ACCSL: variants seen among roughly 807,000 people sequenced by gnomAD.
ACCSL encodes 1-aminocyclopropane-1-carboxylate synthase homolog (inactive) like.
ACCSL carries 55 observed loss-of-function variants against 61.7 expected under a neutral mutation model. The ratio of observed to expected loss-of-function variants is 0.89; its 90% confidence interval spans 0.72 to 1.12. The LOEUF is 1.12. Among genes scored for constraint, ACCSL ranks in the 50% most tolerant of loss-of-function variants. The probability of loss-of-function intolerance (pLI) is 0.00; values close to 1 mark genes in which losing one functional copy is unlikely to be tolerated. For missense variants in ACCSL, 632 were observed against 698.0 expected (o/e 0.91, Z 1.07); for synonymous variants, 258 against 264.3 (o/e 0.98, Z 0.23).
the ACCSL span, among the ~76,000 whole-genome samples, chr11:43,930,161 C>G: frequency 3.9e-5 from 6 of 152,186 alleles, 1 homozygote; most frequent in Non-Finnish European, 5.9e-5. Context: ...TTCTTCCCCT[C>G]TAGCCTGGGG....
At chr11:43,942,726 G>T in the ACCSL span, 4 of 19,510 alleles carry the variant, frequency 2.1e-4, no homozygotes, top group East Asian at 1.2e-3. Context: ...CCGCCCGCCC[G>T]CCCGCCCTCC....
the ACCSL span, among the ~76,000 whole-genome samples, chr11:43,953,520 C>CAAAAAA: frequency 1.3e-5 from 1 of 75,488 alleles, no homozygotes; most frequent in Admixed American, 1.4e-4. Context: ...GACTCTGACT[C>CAAAAAA]AAAAAAAAAA....
At chr11:44,039,207 G>T in the ACCSL span, among the ~76,000 whole-genome samples, 1 of 152,150 alleles carries the variant, frequency 6.6e-6, no homozygotes, top group African/African-American at 2.4e-5. Flanking sequence ...TAAGGTGCCT[G>T]CCCACAGCTA....
At chr11:43,973,715 A>C in the ACCSL span, 1 of 152,188 alleles carries the variant, frequency 6.6e-6, no homozygotes, top group Non-Finnish European at 1.5e-5. Flanking sequence ...TATTGGGCGA[A>C]CCATTCTTAA....
upstream of ACCSL, among the ~76,000 whole-genome samples, chr11:44,046,704 A>G (rs942457444): frequency 1.3e-5 from 2 of 152,064 alleles, no homozygotes; most frequent in Non-Finnish European, 2.9e-5. Flanking sequence ...TTAGGGGGAA[A>G]AACTTGGAAT....
At chr11:43,926,253 C>G in the ACCSL span, among the ~76,000 whole-genome samples, 2 of 150,836 alleles carry the variant, frequency 1.3e-5, no homozygotes, top group Non-Finnish European at 2.9e-5. Flanking sequence ...TCACTCTCGG[C>G]GGCCCCACCA....
At chr11:43,970,379 A>G in the ACCSL span, among the ~76,000 whole-genome samples, 3 of 151,898 alleles carry the variant, frequency 2.0e-5, no homozygotes, top group African/African-American at 7.3e-5. Context: ...CTAATTTTTT[A>G]TTTTTGTAGA....
At chr11:43,972,299 C>G in the ACCSL span, among the ~76,000 whole-genome samples, 6 of 152,202 alleles carry the variant, frequency 3.9e-5, no homozygotes, top group African/African-American at 1.4e-4. Context: ...TTCACACCAC[C>G]TTGGTGTACT....
chr11:44,025,238 A>G, the ACCSL span, among the ~76,000 whole-genome samples: 1 of 152,020 alleles, frequency 6.6e-6, no homozygotes, highest in South Asian at 2.1e-4. Flanking sequence ...CTTTTTCTCT[A>G]TGTATTCTAT....
At chr11:44,043,480 T>A (rs78202193), upstream of ACCSL, among the ~76,000 whole-genome samples, 375 of 152,308 alleles carry the variant, frequency 2.5e-3, no homozygotes, top group African/African-American at 8.4e-3. Context: ...GAAAGGTACA[T>A]TTTTTTCCTG....
At chr11:43,987,441 C>T in the ACCSL span, among the ~76,000 whole-genome samples, 3 of 152,088 alleles carry the variant, frequency 2.0e-5, no homozygotes, top group African/African-American at 7.2e-5. Context: ...GGGGACGGGG[C>T]TGCAGGGTGG....
the ACCSL span, among the ~76,000 whole-genome samples, chr11:43,925,976 G>A: frequency 6.6e-5 from 10 of 152,152 alleles, no homozygotes; most frequent in Admixed American, 2.0e-4. Flanking sequence ...CTGGGTGGGC[G>A]GTCCTTCTGT....
intron 8 of ACCSL, among the ~76,000 whole-genome samples, chr11:44,054,755 C>T (rs777474995): frequency 9.9e-5 from 15 of 152,130 alleles, no homozygotes; most frequent in Middle Eastern, 3.4e-3. Context: ...ATGCCCGGCC[C>T]GCCTTAGTTT....
the ACCSL span, among the ~76,000 whole-genome samples, chr11:43,985,967 A>AT: frequency 0.012 from 1,700 of 144,832 alleles, 18 homozygotes; most frequent in East Asian, 0.028. Flanking sequence ...TGTCTCAAAA[A>AT]ATATATATAA....
the ACCSL span, among the ~76,000 whole-genome samples, chr11:44,012,800 A>G: frequency 1.3e-5 from 2 of 152,352 alleles, 1 homozygote; most frequent in Middle Eastern, 6.8e-3. Context: ...AAACGGCCTA[A>G]TACATTGTGG....
chr11:44,032,185 G>A, the ACCSL span, among the ~76,000 whole-genome samples: 3 of 152,234 alleles, frequency 2.0e-5, no homozygotes, highest in Admixed American at 2.0e-4. Flanking sequence ...GGTTGCTTAT[G>A]TGGCTGCAAT....
chr11:43,964,784 C>T, the ACCSL span, among the ~76,000 whole-genome samples: 169 of 152,214 alleles, frequency 1.1e-3, no homozygotes, highest in Non-Finnish European at 2.1e-3. Context: ...AAGGGTGATT[C>T]AGTGTAAGAA....
the ACCSL span, among the ~76,000 whole-genome samples, chr11:43,975,184 G>GA: frequency 1.3e-5 from 2 of 151,488 alleles, no homozygotes; most frequent in African/African-American, 2.4e-5. Context: ...GCCAGTGAGG[G>GA]AAAAAAAATG....
At chr11:44,047,529 A>G (rs1952606474), upstream of ACCSL, among the ~76,000 whole-genome samples, 1 of 152,226 alleles carries the variant, frequency 6.6e-6, no homozygotes, top group Non-Finnish European at 1.5e-5. Flanking sequence ...ACATAAATAA[A>G]TGAATGGGGC....
Sources: allele counts gnomAD v4.1 joint callset (sites outside exome capture counted in the v4.1 genomes callset), GRCh38; gene constraint gnomAD v4.1.1; transcripts MANE v1.5; gene names NCBI Gene and HGNC (gene_info 2026-07-23, HGNC 2026-07-21).